The following PXDNL variants were observed in gnomAD, a reference collection of about 807,000 sequenced individuals.
PXDNL encodes probable oxidoreductase PXDNL.
A neutral mutation model predicts 150.8 loss-of-function variants in PXDNL; 145 were observed. The observed-to-expected ratio is 0.96, with a 90% confidence interval of 0.84 to 1.10. The LOEUF is 1.10. Ranked by LOEUF, PXDNL falls within the 50% of genes least tolerant of loss-of-function variation. The pLI is 0.00. For missense variants in PXDNL, 2,087 were observed against 1,873.9 expected, an observed-to-expected ratio of 1.11 and a Z score of -2.10; for synonymous variants, 757 against 725.7, an observed-to-expected ratio of 1.04 and a Z score of -0.69.
intron 1 of PXDNL, among the ~76,000 whole-genome samples, chr8:51,687,195 G>A (rs560289309): frequency 8.5e-5 from 13 of 152,150 alleles, no homozygotes; most frequent in Admixed American, 5.9e-4. Context: ...AATAGTCAGC[G>A]GTAGCAAGAA....
rs142200166 is a variant in PXDNL, at chr8:51,492,542, G to T, written c.452+7157C>A. Reference sequence around the variant, plus strand: ...GAATTCCCTTTCCTAGTCAAAGAAAGGGGTGACAGATGGCACCTGGAAAAT... The same window carrying T: ...GAATTCCCTTTCCTAGTCAAAGAAATGGGTGACAGATGGCACCTGGAAAAT... On this transcript the variant is annotated intron_variant, in intron 5 of 22. Coordinates refer to ENST00000356297, the MANE Select transcript of PXDNL (RefSeq NM_144651.5). Among the ~76,000 whole-genome samples the T allele has an allele frequency of 8.5e-3, 1,299 of 152,276 alleles. 23 individuals are homozygous for T. The highest frequency in any genetic ancestry group is 0.03 in the African/African-American group (1,248 of 41,544).
At position 51,319,923 on chromosome 8, in the gene PXDNL, C is replaced by T. The variant is rs372589323; in HGVS notation, c.4360G>A (p.Gly1454Arg). 35 of 1,559,268 alleles carry T rather than the reference C, an allele frequency of 2.2e-5. No homozygotes were observed. In the African/African-American group the frequency reaches 4.7e-4, roughly 21 times the overall value. ...GTCCPVCRDR[G>R]MPSDSPEKR is the part of the protein sequence containing the mutation. The stretch of plus-strand genomic sequence containing the variant: ...TTCTCTGGGGAATCACTTGGCATTC[C>T]TCGGTCTCTGCAAACTGGACAGCAG... The change falls in exon 23 of 23, where the codon GGA becomes AGA. Residue 1454 changes from glycine to arginine, a missense_variant. Physicochemically the swap from Gly to Arg is moderately radical, Grantham distance 125. Coordinates refer to ENST00000356297, the MANE Select transcript of PXDNL (RefSeq NM_144651.5).
At chr8:51,428,933 A>G (rs1809180928) in intron 12 of PXDNL, among the ~76,000 whole-genome samples, 1 of 16,240 alleles carries the variant, frequency 6.2e-5, no homozygotes. Flanking sequence ...ATATTTGCAA[A>G]CCACATATGC....
chr8:51,638,990 C>A (rs201835491), intron 2 of PXDNL, among the ~76,000 whole-genome samples: 2 of 152,018 alleles, frequency 1.3e-5, no homozygotes, highest in African/African-American at 4.8e-5. Flanking sequence ...ACAGAAATTA[C>A]AACAAACTGT....
intron 1 of PXDNL, among the ~76,000 whole-genome samples, chr8:51,737,859 G>A (rs550222013): frequency 5.9e-5 from 9 of 151,710 alleles, no homozygotes; most frequent in African/African-American, 1.7e-4. Flanking sequence ...ATTAAGATTC[G>A]CTCTCACTGA....
intron 1 of PXDNL, among the ~76,000 whole-genome samples, chr8:51,793,021 C>T (rs1585754292): frequency 1.3e-5 from 2 of 152,218 alleles, no homozygotes; most frequent in East Asian, 3.9e-4. Flanking sequence ...CCCATGCCTC[C>T]TGATTGGGTG....
chr8:51,785,225 T>A (rs2037449788), intron 1 of PXDNL, among the ~76,000 whole-genome samples: 1 of 152,058 alleles, frequency 6.6e-6, no homozygotes, highest in Non-Finnish European at 1.5e-5. Context: ...AAAAATACAA[T>A]GCTGGTTGTT....
chr8:51,402,569 G>T (rs1365071358), intron 17 of PXDNL, among the ~76,000 whole-genome samples: 1 of 152,100 alleles, frequency 6.6e-6, no homozygotes, highest in Admixed American at 6.5e-5. Context: ...CTGTGATTAT[G>T]AGTGACAAAT....
chr8:51,324,178 G>C (rs758240694), intron 21 of PXDNL, among the ~76,000 whole-genome samples: 1 of 152,126 alleles, frequency 6.6e-6, no homozygotes, highest in African/African-American at 2.4e-5. Flanking sequence ...CATTTTAGGA[G>C]TATTTTTGTA....
chr8:51,617,312 T>C (rs761850465), intron 2 of PXDNL, among the ~76,000 whole-genome samples: 4 of 152,248 alleles, frequency 2.6e-5, no homozygotes, highest in African/African-American at 7.2e-5. Context: ...TATTTGGTCA[T>C]TTCAATTTCC....
intron 3 of PXDNL, among the ~76,000 whole-genome samples, chr8:51,563,337 AT>A (rs1812754676): frequency 6.6e-6 from 1 of 151,930 alleles, no homozygotes; most frequent in Admixed American, 6.6e-5. Context: ...GTGCCCTTAC[AT>A]GGCACAGAGA....
At chr8:51,497,686 A>G (rs868086963) in intron 5 of PXDNL, among the ~76,000 whole-genome samples, 23 of 152,246 alleles carry the variant, frequency 1.5e-4, no homozygotes, top group African/African-American at 5.1e-4. Flanking sequence ...AAAAATGCTC[A>G]TCATCATTGG....
rs796363766 is a variant in PXDNL, at chr8:51,559,340, C to A, written c.309-2429G>T. ...TTTTGTTTCTTCCAAACCCCCCCCC[C>A]CCCCGCCACCTTCTTTCCTGATTAA... On this transcript the variant is annotated intron_variant, in intron 3 of 22. Transcript: ENST00000356297. Among the ~76,000 whole-genome samples the A allele has an allele frequency of 5.2e-4, 76 of 145,148 alleles. 3 individuals carry two copies. The highest frequency in any genetic ancestry group is 4.7e-3 in the East Asian group (20 of 4,294).
intron 3 of PXDNL, among the ~76,000 whole-genome samples, chr8:51,559,891 T>G (rs1042280036): frequency 4.1e-4 from 63 of 151,932 alleles, no homozygotes; most frequent in African/African-American, 1.4e-3. Context: ...AAATCAAGAT[T>G]ATTGTGTACC....
chr8:51,390,708 T>A lies in PXDNL; in HGVS notation c.3558-15977A>T, dbSNP rs533903659. Reference sequence around the variant, plus strand: ...TGTTTAATGAGGTGACAAGCCGACCTCACTAAATGGCATAAAGCACAGATT... The same window carrying A: ...TGTTTAATGAGGTGACAAGCCGACCACACTAAATGGCATAAAGCACAGATT... On this transcript the variant is annotated intron_variant, in intron 17 of 22. Transcript: ENST00000356297. Among the ~76,000 whole-genome samples, 7 of 152,252 alleles carry A rather than the reference T, an allele frequency of 4.6e-5. No homozygotes were observed. The South Asian group carries it at 1.5e-3, about 32-fold the overall frequency.
intron 14 of PXDNL, among the ~76,000 whole-genome samples, chr8:51,416,857 A>G (rs1808813193): frequency 6.6e-6 from 1 of 152,246 alleles, no homozygotes; most frequent in Non-Finnish European, 1.5e-5. Flanking sequence ...AGCACATTAA[A>G]TACGTGATAT....
At chr8:51,321,074 T>C in intron 21 of PXDNL, 177 bp from the exon 22 acceptor site, 1 of 564,298 alleles carries the variant, frequency 1.8e-6, no homozygotes. Context: ...GCTTGAATCA[T>C]CCAGTATCCA....
At chr8:51,343,794 A>G (rs1434336585) in intron 20 of PXDNL, among the ~76,000 whole-genome samples, 1 of 152,190 alleles carries the variant, frequency 6.6e-6, no homozygotes, top group Non-Finnish European at 1.5e-5. Flanking sequence ...CTGATGACAC[A>G]CTGGTAAAAC....
chr8:51,609,061 G>A (rs1016054706), intron 2 of PXDNL, among the ~76,000 whole-genome samples: 1 of 152,058 alleles, frequency 6.6e-6, no homozygotes, highest in Non-Finnish European at 1.5e-5. Context: ...TTCTCACAAA[G>A]GCATCTTTAA....
Sources: allele counts gnomAD v4.1 joint callset (sites outside exome capture counted in the v4.1 genomes callset), GRCh38; gene constraint gnomAD v4.1.1; transcripts MANE v1.5; gene names NCBI Gene and HGNC (gene_info 2026-07-23, HGNC 2026-07-21).